Variants in LRP1B observed in about 807,000 individuals in gnomAD.
LRP1B encodes LDL receptor related protein 1B, also known as low-density lipoprotein receptor-related protein 1B.
LRP1B carries 217 observed loss-of-function variants against 556.6 expected under a neutral mutation model. That is an observed-to-expected ratio of 0.39 (90% CI 0.35 to 0.44). The LOEUF (loss-of-function observed/expected upper bound fraction) is 0.44. LRP1B is among the 20% of genes least tolerant of loss of function. The pLI is 1.00. For missense variants in LRP1B, 5,053 were observed against 5,620.8 expected (o/e 0.90, Z 3.23); for synonymous variants, 2,047 against 1,865.8 (o/e 1.10, Z -2.50).
At chr2:140,858,748 C>T (rs1465878216) in intron 27 of LRP1B, among the ~76,000 whole-genome samples, 6 of 151,976 alleles carry the variant, frequency 3.9e-5, no homozygotes, top group African/African-American at 1.2e-4. Flanking sequence ...CCCCACCCCT[C>T]GACAGGCCCC....
chr2:141,147,920 C>T (rs1176180741), intron 7 of LRP1B, among the ~76,000 whole-genome samples: 1 of 152,104 alleles, frequency 6.6e-6, no homozygotes, highest in African/African-American at 2.4e-5. Flanking sequence ...TAACTGTCTA[C>T]AGCATTCAAT....
At chr2:141,709,784 A>G (rs2105476230) in intron 2 of LRP1B, among the ~76,000 whole-genome samples, 1 of 152,190 alleles carries the variant, frequency 6.6e-6, no homozygotes, top group Admixed American at 6.5e-5. Flanking sequence ...GGTTTTAATA[A>G]GATCGGTGTC....
chr2:141,507,961 A>T (rs900256710), intron 2 of LRP1B, among the ~76,000 whole-genome samples: 4 of 151,624 alleles, frequency 2.6e-5, no homozygotes, highest in African/African-American at 9.7e-5. Context: ...GGTGGCATGC[A>T]CCTATAGTCC....
intron 2 of LRP1B, among the ~76,000 whole-genome samples, chr2:141,605,779 C>T (rs1687897193): frequency 6.6e-6 from 1 of 152,148 alleles, no homozygotes; most frequent in Admixed American, 6.5e-5. Context: ...TTTTGTTTTC[C>T]TTGAGTATCA....
chr2:140,712,709 T>C (rs577151218), intron 37 of LRP1B, among the ~76,000 whole-genome samples: 1 of 152,086 alleles, frequency 6.6e-6, no homozygotes, highest in Non-Finnish European at 1.5e-5. Context: ...CACTTTCTAA[T>C]TATTCTTTTG....
intron 7 of LRP1B, among the ~76,000 whole-genome samples, chr2:141,170,601 C>G (rs1453595410): frequency 6.6e-6 from 1 of 152,048 alleles, no homozygotes; most frequent in Non-Finnish European, 1.5e-5. Flanking sequence ...AAAATAGAAA[C>G]CCTTCATTAC....
chr2:140,727,995 G>C (rs1241519874), intron 35 of LRP1B, among the ~76,000 whole-genome samples: 1 of 151,992 alleles, frequency 6.6e-6, no homozygotes, highest in Non-Finnish European at 1.5e-5. Context: ...GAAATCTGCA[G>C]ACTTCAAAGA....
chr2:140,239,350 C>A, intron 88 of LRP1B, 92 bp downstream of exon 88: 6 of 738,148 alleles, frequency 8.1e-6, no homozygotes, highest in Admixed American at 2.9e-5. Flanking sequence ...ATAACTAAAT[C>A]ATGTTTAAAA....
Position 141,032,826 on chromosome 2 carries a change from C to CATACATATATATATATATATATATATAT in LRP1B, c.1790-12725_1790-12724insATATATATATATATATATATATATGTAT. 1.3e-3 allele frequency among the ~76,000 whole-genome samples: 165 copies of CATACATATATATATATATATATATATAT among 126,622 alleles called. 3 individuals are homozygous for CATACATATATATATATATATATATATAT. Among genetic ancestry groups the CATACATATATATATATATATATATATAT allele is most frequent in the African/African-American group, 1.9e-3 (62 of 32,994 alleles). The allele number at this position is 126,622 out of a possible 152,430, so 83.1% of individuals were successfully genotyped here. Reference sequence around the variant, plus strand: ...ATGTGTGTGTGTATATATATACATACATATATATATATATGCAGGCATATG... The same window carrying CATACATATATATATATATATATATATAT: ...ATGTGTGTGTGTATATATATACATACATACATATATATATATATATATATATATATATATATATATATGCAGGCATATG... On this transcript the variant is annotated intron_variant, in intron 11 of 90. Coordinates refer to ENST00000389484, the MANE Select transcript of LRP1B (RefSeq NM_018557.3).
At chr2:141,155,045 T>C (rs972224438) in intron 7 of LRP1B, among the ~76,000 whole-genome samples, 17 of 152,088 alleles carry the variant, frequency 1.1e-4, no homozygotes, top group Admixed American at 1.1e-3. Flanking sequence ...TACAGAGTAT[T>C]ACTAAAGAGT....
intron 3 of LRP1B, among the ~76,000 whole-genome samples, chr2:141,388,721 C>A (rs186919996): frequency 6.6e-6 from 1 of 152,002 alleles, no homozygotes; most frequent in Non-Finnish European, 1.5e-5. Flanking sequence ...GCATAACTAT[C>A]TCTATTATCA....
chr2:141,692,900 C>A (rs577736611), intron 2 of LRP1B, among the ~76,000 whole-genome samples: 1 of 152,000 alleles, frequency 6.6e-6, no homozygotes, highest in African/African-American at 2.4e-5. Context: ...CTTATGAAAC[C>A]ACAGTCATAT....
At chr2:140,240,386 G>C (rs776055798) in intron 87 of LRP1B, among the ~76,000 whole-genome samples, 8 of 150,540 alleles carry the variant, frequency 5.3e-5, no homozygotes, top group Non-Finnish European at 1.0e-4. Context: ...CTGAGCACAG[G>C]GAGGAGGCAA....
intron 5 of LRP1B, among the ~76,000 whole-genome samples, chr2:141,239,076 A>G (rs1364050997): frequency 6.6e-6 from 1 of 152,140 alleles, no homozygotes; most frequent in African/African-American, 2.4e-5. Flanking sequence ...ATCAATAAAA[A>G]GATGTCTAAA....
intron 18 of LRP1B, 83 bp from the exon 19 acceptor site, chr2:140,952,023 A>G (rs538321290): frequency 1.0e-5 from 10 of 962,996 alleles, no homozygotes; most frequent in Non-Finnish European, 1.5e-5. Context: ...TAATGTGATC[A>G]GAACTCCTTC....
intron 3 of LRP1B, among the ~76,000 whole-genome samples, chr2:141,404,100 A>T (rs1027743337): frequency 1.1e-4 from 16 of 152,320 alleles, no homozygotes; most frequent in Admixed American, 1.0e-3. Flanking sequence ...AGTCATAAAA[A>T]GTTAAGATAA....
chr2:141,524,089 A>G (rs1183409562), intron 2 of LRP1B, among the ~76,000 whole-genome samples: 1 of 152,116 alleles, frequency 6.6e-6, no homozygotes, highest in Non-Finnish European at 1.5e-5. Context: ...AAGGGCACTT[A>G]AAGTATCTTA....
At chr2:140,400,035 T>C (rs927404544) in intron 66 of LRP1B, among the ~76,000 whole-genome samples, 1 of 152,208 alleles carries the variant, frequency 6.6e-6, no homozygotes, top group Non-Finnish European at 1.5e-5. Context: ...TCTTGAGATG[T>C]TGAGAGTCCC....
intron 1 of LRP1B, among the ~76,000 whole-genome samples, chr2:141,877,402 T>A (rs1056539158): frequency 1.3e-5 from 2 of 151,988 alleles, no homozygotes; most frequent in African/African-American, 4.8e-5. Flanking sequence ...TGAGTTTTTA[T>A]ATCTGGGAAA....
Sources: allele counts gnomAD v4.1 joint callset (sites outside exome capture counted in the v4.1 genomes callset), GRCh38; gene constraint gnomAD v4.1.1; transcripts MANE v1.5; gene names NCBI Gene and HGNC (gene_info 2026-07-23, HGNC 2026-07-21).